FNDC3B: variants seen among roughly 807,000 people sequenced by gnomAD.
FNDC3B encodes fibronectin type III domain containing 3B.
FNDC3B carries 12 observed loss-of-function variants against 151.5 expected under a neutral mutation model. The observed-to-expected ratio is 0.08, with a 90% confidence interval of 0.05 to 0.13. FNDC3B has a LOEUF of 0.13. FNDC3B is among the 10% of genes least tolerant of loss of function. The pLI, the probability that FNDC3B is intolerant of heterozygous loss-of-function variation, is 1.00. For missense variants in FNDC3B, 1,214 were observed against 1,505.3 expected, an observed-to-expected ratio of 0.81 and a Z score of 3.20; for synonymous variants, 528 against 549.0, an observed-to-expected ratio of 0.96 and a Z score of 0.54.
At chr3:172,270,322 A>G (rs1729137047) in intron 6 of FNDC3B, among the ~76,000 whole-genome samples, 1 of 152,222 alleles carries the variant, frequency 6.6e-6, no homozygotes, top group South Asian at 2.1e-4. Context: ...TAAAACCCCC[A>G]TGTTTTCCTT....
chr3:172,088,449 G>A (rs1483800040), intron 1 of FNDC3B, among the ~76,000 whole-genome samples: 4 of 152,124 alleles, frequency 2.6e-5, no homozygotes, highest in Admixed American at 2.0e-4. Flanking sequence ...AGTGTCTCTC[G>A]TGCTAGAATG....
At chr3:172,373,473 A>G (rs1034635354) in intron 23 of FNDC3B, among the ~76,000 whole-genome samples, 1 of 152,210 alleles carries the variant, frequency 6.6e-6, no homozygotes, top group African/African-American at 2.4e-5. Context: ...TCTCCTCTTC[A>G]TGGCAAAGCC....
chr3:172,084,740 A>G (rs1718465614), intron 1 of FNDC3B, among the ~76,000 whole-genome samples: 1 of 152,224 alleles, frequency 6.6e-6, no homozygotes, highest in Admixed American at 6.5e-5. Flanking sequence ...ATCTCCTTAG[A>G]AAAGATTTTG....
chr3:172,277,128 G>GA (rs1343357960), intron 6 of FNDC3B, among the ~76,000 whole-genome samples: 2 of 149,840 alleles, frequency 1.3e-5, no homozygotes, highest in African/African-American at 5.0e-5. Flanking sequence ...AAATGGTTGT[G>GA]AAAAAACGTG....
chr3:172,276,998 T>C (rs1365868256), intron 6 of FNDC3B, among the ~76,000 whole-genome samples: 1 of 152,188 alleles, frequency 6.6e-6, no homozygotes, highest in Non-Finnish European at 1.5e-5. Context: ...ATTTATTCGA[T>C]TAATGTTAAA....
At chr3:172,285,046 ACTATT>A (rs903407137) in intron 6 of FNDC3B, among the ~76,000 whole-genome samples, 1 of 151,576 alleles carries the variant, frequency 6.6e-6, no homozygotes, top group African/African-American at 2.4e-5. Context: ...TTCTCCAAGC[ACTATT>A]CTTTCATTTC....
At chr3:172,213,299 C>A (rs763194838) in intron 3 of FNDC3B, among the ~76,000 whole-genome samples, 1 of 152,186 alleles carries the variant, frequency 6.6e-6, no homozygotes, top group Admixed American at 6.5e-5. Flanking sequence ...AAGTATGAGG[C>A]CAAAGGTGCG....
intron 4 of FNDC3B, among the ~76,000 whole-genome samples, chr3:172,228,461 G>C (rs777426271): frequency 6.6e-6 from 1 of 152,184 alleles, no homozygotes; most frequent in Non-Finnish European, 1.5e-5. Context: ...ACGGAGAGAA[G>C]CTTCAGTGTG....
intron 1 of FNDC3B, among the ~76,000 whole-genome samples, chr3:172,060,370 A>C (rs530103002): frequency 5.3e-4 from 80 of 152,172 alleles, no homozygotes; most frequent in African/African-American, 1.9e-3. Context: ...GGTAAGACAC[A>C]TTTATGAGTT....
At chr3:172,119,169 TA>T (rs555243695) in intron 2 of FNDC3B, among the ~76,000 whole-genome samples, 1,341 of 102,158 alleles carry the variant, frequency 0.013, 9 homozygotes, top group African/African-American at 0.039. Context: ...GACTCTGCCT[TA>T]AAAAAAAAAA....
chr3:172,294,542 C>T (rs1263662061), intron 7 of FNDC3B, among the ~76,000 whole-genome samples: 11 of 152,182 alleles, frequency 7.2e-5, no homozygotes, highest in Non-Finnish European at 1.6e-4. Flanking sequence ...ATCCAGTCAC[C>T]TCCCACCAGG....
intron 4 of FNDC3B, among the ~76,000 whole-genome samples, chr3:172,227,753 A>G (rs1428754789): frequency 3.9e-5 from 6 of 152,114 alleles, no homozygotes; most frequent in African/African-American, 1.4e-4. Context: ...TTACCATTTT[A>G]CTATCCAGAG....
At chr3:172,181,657 C>G (rs539438148) in intron 3 of FNDC3B, among the ~76,000 whole-genome samples, 1 of 151,232 alleles carries the variant, frequency 6.6e-6, no homozygotes, top group African/African-American at 2.4e-5. Flanking sequence ...GGTGAAACCC[C>G]ATCTCTACTA....
chr3:172,174,765 G>A (rs1479909399), intron 3 of FNDC3B, among the ~76,000 whole-genome samples: 5 of 152,044 alleles, frequency 3.3e-5, no homozygotes, highest in African/African-American at 1.2e-4. Context: ...AAATGGTCTC[G>A]GTTTGGTTGT....
Position 172,095,650 on chromosome 3 carries a change from A to C in FNDC3B, c.-28-16802A>C, listed in dbSNP as rs565584623. On this transcript the variant is annotated intron_variant, in intron 1 of 25. Transcript: ENST00000415807. ...TAAGATGCTCTTTGTTCTGTGTACT[A>C]TTTTTCCCCTCTCCTAACACAAGCA... is the stretch of plus-strand genomic sequence containing the variant. Among the ~76,000 whole-genome samples the C allele has an allele frequency of 2.0e-5, 3 of 152,214 alleles. No individual in the cohort carries two copies. The East Asian group carries it at 5.8e-4, about 29-fold the overall frequency.
chr3:172,257,476 A>G (rs34673120), intron 6 of FNDC3B, among the ~76,000 whole-genome samples: 23,182 of 152,038 alleles, frequency 0.15, 2,312 homozygotes, highest in Non-Finnish European at 0.21. Context: ...AATCTTATCA[A>G]TGAGCACATT....
intron 1 of FNDC3B, among the ~76,000 whole-genome samples, chr3:172,097,718 C>G (rs1719160337): frequency 6.6e-6 from 1 of 152,168 alleles, no homozygotes; most frequent in Non-Finnish European, 1.5e-5. Flanking sequence ...GTAAATTGCA[C>G]TAAGCATTCT....
chr3:172,097,414 A>G lies in FNDC3B; in HGVS notation c.-28-15038A>G, dbSNP rs895779448. On this transcript the variant is annotated intron_variant, in intron 1 of 25. Coordinates refer to ENST00000415807, the MANE Select transcript of FNDC3B (RefSeq NM_022763.4). ...GATTAGTTCTGTGAGACTTGGATAA[A>G]ACCTGTATTCTTTAGGTCTCTTTGT... 1.1e-4 allele frequency among the ~76,000 whole-genome samples: 17 copies of G among 152,334 alleles called. No individual in the cohort carries two copies. The East Asian group carries it at 3.3e-3, about 29-fold the overall frequency.
chr3:172,040,465 GTCC>G lies in FNDC3B; in HGVS notation c.-29+701_-29+703del, dbSNP rs1341226554. On this transcript the variant is annotated intron_variant, in intron 1 of 25. Coordinates refer to ENST00000415807, the MANE Select transcript of FNDC3B (RefSeq NM_022763.4). This position sits in a 1 kb window ranked among gnomAD's most constrained non-coding sequence, Gnocchi z 6.6. ...TGCTGGCCACCTCCGAGCACGCCAC[GTCC>G]TCCTCCCCGTCCTGCCCCCCGGGCT... The G allele has an allele frequency of 6.6e-6, 1 of 151,946 alleles. No homozygotes were observed. The highest frequency in any genetic ancestry group is 2.4e-5 in the African/African-American group (1 of 41,364). 9.4% of individuals were successfully genotyped at this position (151,946 alleles called of 1,614,324 possible).
Sources: allele counts gnomAD v4.1 joint callset (sites outside exome capture counted in the v4.1 genomes callset), GRCh38; gene constraint gnomAD v4.1.1; non-coding constraint Gnocchi (gnomAD v3.1); transcripts MANE v1.5; gene names NCBI Gene and HGNC (gene_info 2026-07-23, HGNC 2026-07-21).